Variants in ZMYM2 observed in about 807,000 individuals in gnomAD.
ZMYM2 encodes zinc finger MYM-type protein 2.
In ZMYM2, 56 loss-of-function variants were observed where a neutral mutation model predicts 162.8. That is an observed-to-expected ratio of 0.34 (90% CI 0.28 to 0.43). ZMYM2 has a LOEUF of 0.43. Among genes scored for constraint, ZMYM2 ranks in the 20% least tolerant of loss-of-function variants. The probability of loss-of-function intolerance (pLI) is 1.00; values close to 1 mark genes in which losing one functional copy is unlikely to be tolerated. For synonymous variants in ZMYM2, 510 were observed against 541.6 expected (o/e 0.94, Z 0.81); for missense variants, 1,275 against 1,621.8 (o/e 0.79, Z 3.67).
intron 2 of ZMYM2, among the ~76,000 whole-genome samples, chr13:19,965,771 CTT>C (rs35914050): frequency 1.3e-4 from 14 of 104,878 alleles, no homozygotes; most frequent in Admixed American, 2.3e-4. Context: ...TATCTGAATT[CTT>C]TTTTTTTTTT....
In ZMYM2 at chr13:19,973,755, AT is replaced by A. The variant is rs1566188156; in HGVS notation, c.-11+13730del. On this transcript the variant is annotated intron_variant, in intron 2 of 24. Transcript: ENST00000610343. Reference sequence around the variant, plus strand: ...CAATACCATAGGGCAAGCTTGTCCAATCCGCGGCCCGCAGGTCCCGTGCTGC... The same window carrying A: ...CAATACCATAGGGCAAGCTTGTCCAACCGCGGCCCGCAGGTCCCGTGCTGC... Among the ~76,000 whole-genome samples the A allele has an allele frequency of 2.6e-5, 4 of 152,138 alleles. No individual in the cohort carries two copies. In the South Asian group the frequency reaches 8.3e-4, roughly 32 times the overall value.
the ZMYM2 span, among the ~76,000 whole-genome samples, chr13:19,885,921 A>ATGTGTATACACACATATATGTGTG: frequency 8.7e-5 from 4 of 45,846 alleles, 2 homozygotes; most frequent in African/African-American, 1.1e-4. Context: ...ATATACACAT[A>ATGTGTATACACACATATATGTGTG]TATATGTGTA....
At chr13:20,030,545 C>T (rs946343423) in intron 9 of ZMYM2, among the ~76,000 whole-genome samples, 3 of 152,148 alleles carry the variant, frequency 2.0e-5, no homozygotes, top group African/African-American at 4.8e-5. Flanking sequence ...ACTACAGGCA[C>T]CTGCCACCAC....
At chr13:19,895,373 T>C in the ZMYM2 span, among the ~76,000 whole-genome samples, 3 of 151,924 alleles carry the variant, frequency 2.0e-5, no homozygotes, top group Non-Finnish European at 2.9e-5. Flanking sequence ...AACTGGGTGA[T>C]TTATAAAGAA....
intron 8 of ZMYM2, 38 bp from the exon 9 acceptor site, chr13:20,027,165 T>C (rs951992177): frequency 1.4e-6 from 2 of 1,462,170 alleles, no homozygotes; most frequent in African/African-American, 2.9e-5. Context: ...TTTTTATTAC[T>C]TTATAAACAA....
intron 13 of ZMYM2, 35 bp downstream of exon 13, chr13:20,051,633 T>C (rs756456559): frequency 5.1e-6 from 8 of 1,574,980 alleles, no homozygotes; most frequent in Non-Finnish European, 6.0e-6. Flanking sequence ...TTGAAAACCC[T>C]GTACATCAGT....
intron 7 of ZMYM2, among the ~76,000 whole-genome samples, chr13:20,020,408 A>G (rs1951979791): frequency 6.6e-6 from 1 of 151,670 alleles, no homozygotes; most frequent in Non-Finnish European, 1.5e-5. Flanking sequence ...CTAATTTTGT[A>G]TTTTTTTAGT....
the ZMYM2 span, among the ~76,000 whole-genome samples, chr13:19,867,675 G>C: frequency 1.3e-5 from 2 of 152,016 alleles, no homozygotes; most frequent in East Asian, 3.9e-4. Context: ...GCCCAGGCTG[G>C]AGTGCAGTGG....
At chr13:19,917,016 C>T in the ZMYM2 span, among the ~76,000 whole-genome samples, 1 of 152,056 alleles carries the variant, frequency 6.6e-6, no homozygotes, top group Non-Finnish European at 1.5e-5. Context: ...AGGTTGGAGT[C>T]CAGTGGAGCG....
At chr13:19,943,616 G>A in the ZMYM2 span, among the ~76,000 whole-genome samples, 3 of 152,106 alleles carry the variant, frequency 2.0e-5, no homozygotes, top group African/African-American at 7.2e-5. Flanking sequence ...TCACCAGGAG[G>A]CACCTCGCCT....
chr13:19,979,429 T>C (rs1239483812), intron 2 of ZMYM2, among the ~76,000 whole-genome samples: 2 of 4,282 alleles, frequency 4.7e-4, no homozygotes, highest in South Asian at 9.4e-3. Flanking sequence ...TTTTCTGCAC[T>C]TTTTTTTTTT....
chr13:20,054,996 GTT>G (rs34930892), intron 14 of ZMYM2, among the ~76,000 whole-genome samples: 13,132 of 142,810 alleles, frequency 0.092, 739 homozygotes, highest in Middle Eastern at 0.17. Context: ...ACATGGGGTT[GTT>G]TTTTTTTTTT....
chr13:20,041,387 G>T (rs1954233108), intron 12 of ZMYM2, among the ~76,000 whole-genome samples: 1 of 152,022 alleles, frequency 6.6e-6, no homozygotes, highest in South Asian at 2.1e-4. Flanking sequence ...GCTTTTCTCT[G>T]GTTTCCATTT....
chr13:20,011,871 C>G (rs1237522914), intron 6 of ZMYM2, among the ~76,000 whole-genome samples: 2 of 151,934 alleles, frequency 1.3e-5, no homozygotes, highest in Non-Finnish European at 2.9e-5. Flanking sequence ...GCCTCAGCCT[C>G]CCGAGTAGCT....
chr13:19,923,306 G>A, the ZMYM2 span, among the ~76,000 whole-genome samples: 2 of 129,394 alleles, frequency 1.5e-5, no homozygotes, highest in African/African-American at 5.8e-5. Context: ...GCAGTGAGCC[G>A]AGATCGCGCC....
intron 3 of ZMYM2, 66 bp downstream of exon 3, chr13:19,993,985 T>G: frequency 6.6e-7 from 1 of 1,515,006 alleles, no homozygotes. Flanking sequence ...GCTTTTTTCA[T>G]TGTAGTAACT....
In ZMYM2 at chr13:20,062,834, G is replaced by A; in HGVS notation, c.2912-12G>A. On this transcript the variant is annotated splice_polypyrimidine_tract_variant and intron_variant, in intron 17 of 24. Coordinates refer to ENST00000610343, the MANE Select transcript of ZMYM2 (RefSeq NM_197968.4). ...TGTTTTGATTCCTAATGATAATATG[G>A]ATTGATTTCAGGTGTAATTATTGAA... The A allele has an allele frequency of 6.4e-7, 1 of 1,551,708 alleles. No individual in the cohort carries two copies. Among genetic ancestry groups the A allele is most frequent in the Non-Finnish European group, 8.7e-7 (1 of 1,146,498 alleles).
At chr13:19,942,960 A>G in the ZMYM2 span, among the ~76,000 whole-genome samples, 2 of 152,224 alleles carry the variant, frequency 1.3e-5, no homozygotes, top group Non-Finnish European at 2.9e-5. Flanking sequence ...TAGGGCTGCC[A>G]TCACATTATA....
At chr13:19,985,650 C>T (rs1027741119) in intron 2 of ZMYM2, among the ~76,000 whole-genome samples, 3 of 149,698 alleles carry the variant, frequency 2.0e-5, no homozygotes, top group Non-Finnish European at 3.0e-5. Flanking sequence ...TGCAGTGAGC[C>T]GAGATCATGC....
Sources: gnomAD v4.1 joint callset for allele counts (sites outside exome capture counted in the v4.1 genomes callset) on GRCh38, gnomAD v4.1.1 for gene constraint, MANE v1.5 for transcripts, NCBI Gene and HGNC (gene_info 2026-07-23, HGNC 2026-07-21) for gene names.